Variants in THRB observed in about 807,000 individuals in gnomAD.
The protein encoded by THRB is nuclear receptor subfamily 1 group A member 2.
Under a neutral mutation model 47.8 loss-of-function variants are expected in THRB, and 12 were observed. That is an observed-to-expected ratio of 0.25 (90% CI 0.16 to 0.41). The LOEUF is 0.41. THRB is among the 10% of genes least tolerant of loss of function. The probability of loss-of-function intolerance (pLI) is 1.00; values close to 1 mark genes in which losing one functional copy is unlikely to be tolerated. For synonymous variants in THRB, 218 were observed against 212.2 expected, an observed-to-expected ratio of 1.03 and a Z score of -0.24; for missense variants, 348 against 589.2, an observed-to-expected ratio of 0.59 and a Z score of 4.24.
At chr3:24,278,427 G>A (rs1466285663) in intron 3 of THRB, among the ~76,000 whole-genome samples, 1 of 152,114 alleles carries the variant, frequency 6.6e-6, no homozygotes, top group African/African-American at 2.4e-5. Flanking sequence ...GCAAATGCCT[G>A]GCCCAAAAGC....
At chr3:24,403,047 A>G (rs982380886) in intron 1 of THRB, among the ~76,000 whole-genome samples, 1 of 152,018 alleles carries the variant, frequency 6.6e-6, no homozygotes, top group African/African-American at 2.4e-5. Context: ...ACAGCAATAA[A>G]TTCATACATT....
intron 2 of THRB, among the ~76,000 whole-genome samples, chr3:24,303,700 A>G (rs1409668007): frequency 6.6e-6 from 1 of 152,208 alleles, no homozygotes; most frequent in East Asian, 1.9e-4. Context: ...TACTACAAGG[A>G]GCCTGAGAGT....
chr3:24,163,081 G>C (rs566901444), intron 5 of THRB, among the ~76,000 whole-genome samples: 2 of 152,162 alleles, frequency 1.3e-5, no homozygotes, highest in East Asian at 3.9e-4. Context: ...TTGCCTTAAC[G>C]AGACACTACT....
chr3:24,248,154 C>A (rs60855424), intron 3 of THRB, among the ~76,000 whole-genome samples: 1 of 151,828 alleles, frequency 6.6e-6, no homozygotes, highest in African/African-American at 2.4e-5. Flanking sequence ...GGATATTATT[C>A]CTATTACTTT....
intron 1 of THRB, among the ~76,000 whole-genome samples, chr3:24,388,655 G>C (rs1177215381): frequency 1.3e-5 from 2 of 152,146 alleles, no homozygotes; most frequent in Non-Finnish European, 2.9e-5. Flanking sequence ...GTTCCATCTT[G>C]ATGGCTCTCA....
intron 6 of THRB, among the ~76,000 whole-genome samples, chr3:24,150,494 G>C (rs538370447): frequency 6.6e-6 from 1 of 152,224 alleles, no homozygotes; most frequent in South Asian, 2.1e-4. Flanking sequence ...AAAAAATCTA[G>C]ATTTTGCTAC....
intron 1 of THRB, among the ~76,000 whole-genome samples, chr3:24,357,353 A>AAAC (rs2063743369): frequency 6.9e-6 from 1 of 144,568 alleles, no homozygotes. Context: ...TCCCAAAAAA[A>AAAC]AAAAAAAAAA....
intron 1 of THRB, among the ~76,000 whole-genome samples, chr3:24,432,498 A>C (rs2070536584): frequency 6.6e-6 from 1 of 152,144 alleles, no homozygotes; most frequent in Non-Finnish European, 1.5e-5. Flanking sequence ...CTATATCTGC[A>C]ATAGCATGTT....
chr3:24,135,840 TATATATA>T (rs1559422330), intron 8 of THRB, among the ~76,000 whole-genome samples: 12 of 121,874 alleles, frequency 9.8e-5, no homozygotes, highest in African/African-American at 3.7e-4. Flanking sequence ...TATATATATA[TATATATA>T]ATACATAAAT....
At chr3:24,477,145 T>C (rs1379524878) in intron 1 of THRB, among the ~76,000 whole-genome samples, 1 of 151,466 alleles carries the variant, frequency 6.6e-6, no homozygotes. Context: ...ATGAAACAAA[T>C]GTTTCAAATA....
In THRB at chr3:24,118,836, C is replaced by A. The variant is rs1423382147; in HGVS notation, c.*4048G>T. 1 of 152,646 alleles carries A rather than the reference C, an allele frequency of 6.6e-6. No individual in the cohort carries two copies. The highest frequency in any genetic ancestry group is 6.5e-5 in the Admixed American group (1 of 15,282). The allele number at this position is 152,646 out of a possible 1,614,324, so 9.5% of individuals were successfully genotyped here. On this transcript the variant is annotated 3_prime_UTR_variant, in exon 11 of 11. Transcript: ENST00000646209. ...CAGAAAGCCACAAACAGCGTTTTAC[C>A]TGCACAATATTGCTCTTGAAGGCGG...
rs75985427 is a variant in THRB at position 24,363,647 on chromosome 3, A to G, written c.-260-26276T>C. Among the ~76,000 whole-genome samples the G allele has an allele frequency of 2.0e-3, 297 of 152,302 alleles. 8 individuals are homozygous for G. In the East Asian group the frequency reaches 0.049, roughly 25 times the overall value. ...AAGGTTGTCTGAAGAAAAGATATAT[A>G]AGCAGGAAACATCTTTTGGCAACTC... On this transcript the variant is annotated intron_variant, in intron 1 of 10. Coordinates refer to ENST00000646209, the MANE Select transcript of THRB (RefSeq NM_001354712.2).
At chr3:24,472,196 G>C (rs1184318939) in intron 1 of THRB, among the ~76,000 whole-genome samples, 2 of 152,112 alleles carry the variant, frequency 1.3e-5, no homozygotes, top group Admixed American at 6.5e-5. Flanking sequence ...TGTCCACCAA[G>C]GTTCATACTT....
chr3:24,165,583 T>C (rs2039543347), intron 5 of THRB: 2 of 491,034 alleles, frequency 4.1e-6, no homozygotes, highest in East Asian at 6.6e-5. Context: ...GAGGTGTCTT[T>C]TGAGCTCTTC....
At chr3:24,180,311 C>T (rs1462752137) in intron 5 of THRB, among the ~76,000 whole-genome samples, 2 of 152,150 alleles carry the variant, frequency 1.3e-5, no homozygotes, top group Non-Finnish European at 2.9e-5. Flanking sequence ...ATCTGCAAGT[C>T]ATAGAATATT....
In THRB at chr3:24,146,737, G is replaced by A; in HGVS notation, c.470C>T (p.Thr157Met). Residue 157 changes from threonine to methionine, a missense_variant, in exon 7 of 11, where the codon ACG becomes ATG. By Grantham distance (81) the Thr-to-Met change is moderately conservative (BLOSUM62 -1). Around this residue, in one of 5 missense-constraint regions of THRB, gnomAD observed 112 missense variants for 212.3 expected, o/e 0.53. Coordinates refer to ENST00000646209, the MANE Select transcript of THRB (RefSeq NM_001354712.2). ...YEGKCVIDKV[T>M]RNQCQECRFK... ...GCGACATTCCTGGCACTGATTTCGC[G>A]TGACTTTGTCTATGACACATTTTCC... 6.2e-7 allele frequency: 1 copy of A among 1,614,032 alleles called. No homozygotes were observed. The highest frequency in any genetic ancestry group is 8.5e-7 in the Non-Finnish European group (1 of 1,179,902).
intron 3 of THRB, among the ~76,000 whole-genome samples, chr3:24,245,062 A>T (rs1327875812): frequency 1.3e-5 from 2 of 152,202 alleles, no homozygotes; most frequent in Admixed American, 1.3e-4. Context: ...CTCTTTTGGG[A>T]ATCCCTAAGA....
intron 3 of THRB, among the ~76,000 whole-genome samples, chr3:24,266,032 A>C (rs2052613131): frequency 6.6e-6 from 1 of 152,202 alleles, no homozygotes. Context: ...ATAATAATGA[A>C]ATTAAATATC....
At chr3:24,129,226 CT>C (rs1043996208) in intron 9 of THRB, among the ~76,000 whole-genome samples, 2 of 152,134 alleles carry the variant, frequency 1.3e-5, no homozygotes, top group Non-Finnish European at 2.9e-5. Context: ...CTGTGATTTG[CT>C]TTTGTCTAGG....
Sources: allele counts gnomAD v4.1 joint callset (sites outside exome capture counted in the v4.1 genomes callset), GRCh38; gene constraint gnomAD v4.1.1; regional missense constraint gnomAD v4.1.1; transcripts MANE v1.5; gene names NCBI Gene and HGNC (gene_info 2026-07-23, HGNC 2026-07-21).